Variants in POC1B observed in about 807,000 individuals in gnomAD.
The protein encoded by POC1B is POC1 centriolar protein B.
In POC1B, 44 loss-of-function variants were observed where a neutral mutation model predicts 60.6. The observed-to-expected ratio is 0.73, with a 90% CI of 0.57 to 0.93. POC1B has a LOEUF of 0.93. Among genes scored for constraint, POC1B ranks in the 40% least tolerant of loss-of-function variants. The pLI is 0.00. For missense variants in POC1B, 555 were observed against 572.3 expected (o/e 0.97, Z 0.31); for synonymous variants, 180 against 198.9 (o/e 0.90, Z 0.80).
chr12:89,471,548 A>C, intron 6 of POC1B, 66 bp downstream of exon 6: 1 of 1,284,812 alleles, frequency 7.8e-7, no homozygotes, highest in Non-Finnish European at 1.1e-6. Context: ...CACACCAACA[A>C]GGAGAATCAG....
intron 10 of POC1B, among the ~76,000 whole-genome samples, chr12:89,458,815 C>T (rs983400151): frequency 1.3e-5 from 2 of 152,206 alleles, no homozygotes; most frequent in African/African-American, 2.4e-5. Flanking sequence ...TTTGTTCTTA[C>T]GATTAGTTTT....
chr12:89,524,526 T>A, intron 2 of POC1B: 2 of 1,611,700 alleles, frequency 1.2e-6, no homozygotes. Context: ...AGCTCTTGCC[T>A]GCCCAAGTCC....
At chr12:89,457,187 T>G (rs1882295038) in intron 10 of POC1B, among the ~76,000 whole-genome samples, 3 of 152,222 alleles carry the variant, frequency 2.0e-5, no homozygotes, top group Admixed American at 2.0e-4. Flanking sequence ...CAATTGTGCT[T>G]CATGCCAAAG....
intron 8 of POC1B, among the ~76,000 whole-genome samples, chr12:89,467,130 A>G (rs1451251076): frequency 6.6e-6 from 1 of 152,120 alleles, no homozygotes; most frequent in Non-Finnish European, 1.5e-5. Flanking sequence ...TGTCTGGTTT[A>G]AAATTCATAT....
At chr12:89,430,366 T>A (rs992696249) in intron 10 of POC1B, among the ~76,000 whole-genome samples, 1 of 152,228 alleles carries the variant, frequency 6.6e-6, no homozygotes, top group Non-Finnish European at 1.5e-5. Context: ...TTTTTGAGGA[T>A]GAATTATTTT....
At chr12:89,437,910 T>C (rs1191785962) in intron 10 of POC1B, among the ~76,000 whole-genome samples, 1 of 150,036 alleles carries the variant, frequency 6.7e-6, no homozygotes, top group Admixed American at 6.7e-5. Flanking sequence ...TAGCAGGGAG[T>C]GTTGGTGTGG....
At position 89,440,836 on chromosome 12, in the gene POC1B, C is replaced by T. The variant is rs182530158; in HGVS notation, c.1114-15457G>A. On this transcript the variant is annotated intron_variant, in intron 10 of 11. Transcript: ENST00000313546. The stretch of plus-strand genomic sequence containing the variant: ...AGGGCGGGGCATCGCCTCACCCAGG[C>T]GATGGGGTCAGGGAATTCCCTTTCC... Among the ~76,000 whole-genome samples, 580 of 152,320 alleles carry T rather than the reference C, an allele frequency of 3.8e-3. 4 individuals are homozygous for T. The highest frequency in any genetic ancestry group is 0.012 in the South Asian group (57 of 4,830).
At chr12:89,490,744 C>CA (rs1230047748) in intron 4 of POC1B, among the ~76,000 whole-genome samples, 6 of 152,190 alleles carry the variant, frequency 3.9e-5, no homozygotes, top group Non-Finnish European at 7.3e-5. Context: ...CAACAGGTAA[C>CA]AACACCTACA....
At chr12:89,440,892 T>C (rs1188579078) in intron 10 of POC1B, among the ~76,000 whole-genome samples, 2 of 152,230 alleles carry the variant, frequency 1.3e-5, no homozygotes, top group African/African-American at 4.8e-5. Context: ...AGATGGTACC[T>C]GGAAAATCAG....
chr12:89,479,409 A>T (rs1298323678), intron 4 of POC1B, among the ~76,000 whole-genome samples: 1 of 152,214 alleles, frequency 6.6e-6, no homozygotes, highest in Admixed American at 6.5e-5. Context: ...TGATGGCAAA[A>T]AAGTATTTAT....
chr12:89,483,068 C>G (rs147737180), intron 4 of POC1B, among the ~76,000 whole-genome samples: 1 of 152,058 alleles, frequency 6.6e-6, no homozygotes, highest in African/African-American at 2.4e-5. Context: ...TGCTCCACCA[C>G]GCCCAGCTAA....
intron 10 of POC1B, among the ~76,000 whole-genome samples, chr12:89,458,524 A>C (rs1882346688): frequency 6.6e-6 from 1 of 152,168 alleles, no homozygotes; most frequent in African/African-American, 2.4e-5. Flanking sequence ...TTTGTCACTG[A>C]AACTCCTAAT....
chr12:89,519,837 A>G (rs1465579222), intron 2 of POC1B: 1 of 152,468 alleles, frequency 6.6e-6, no homozygotes, highest in Non-Finnish European at 1.5e-5. Context: ...CTATTTAGAT[A>G]GTCAACCTAT....
At chr12:89,439,458 C>G (rs1482563456) in intron 10 of POC1B, among the ~76,000 whole-genome samples, 1 of 152,190 alleles carries the variant, frequency 6.6e-6, no homozygotes, top group African/African-American at 2.4e-5. Flanking sequence ...ACACAAATCA[C>G]CTGGGGATCT....
chr12:89,501,452 C>G, intron 2 of POC1B: 1 of 962,546 alleles, frequency 1.0e-6, no homozygotes, highest in Non-Finnish European at 1.6e-6. Context: ...TCACATATTA[C>G]CCAAGACAAA....
At chr12:89,411,137 A>T in the POC1B span, among the ~76,000 whole-genome samples, 1 of 152,250 alleles carries the variant, frequency 6.6e-6, no homozygotes, top group Non-Finnish European at 1.5e-5. Context: ...AAACAAATGG[A>T]GAAACATTCT....
chr12:89,444,395 A>AG (rs933267897), intron 10 of POC1B, among the ~76,000 whole-genome samples: 3 of 152,210 alleles, frequency 2.0e-5, no homozygotes, highest in African/African-American at 7.2e-5. Flanking sequence ...CACATCAAAA[A>AG]GCTTATCCAC....
At chr12:89,506,136 C>G (rs963455064) in intron 2 of POC1B, among the ~76,000 whole-genome samples, 13 of 152,158 alleles carry the variant, frequency 8.5e-5, no homozygotes, top group Non-Finnish European at 8.8e-5. Flanking sequence ...ATATACCCCG[C>G]CTGGAGCCCA....
intron 2 of POC1B, chr12:89,524,102 T>G (rs1380468929): frequency 8.1e-6 from 13 of 1,613,964 alleles, no homozygotes; most frequent in Non-Finnish European, 1.1e-5. Flanking sequence ...CGGAGCAAAG[T>G]CGACCAGGCT....
Sources: gnomAD v4.1 joint callset for allele counts (sites outside exome capture counted in the v4.1 genomes callset) on GRCh38, gnomAD v4.1.1 for gene constraint, MANE v1.5 for transcripts, NCBI Gene and HGNC (gene_info 2026-07-23, HGNC 2026-07-21) for gene names.